The following ATP6V0A4 variants were observed in gnomAD, a reference collection of about 807,000 sequenced individuals.
The protein encoded by ATP6V0A4 is ATPase H+ transporting V0 subunit a4, also known as V-type proton ATPase 116 kDa subunit a 4.
In ATP6V0A4, 86 loss-of-function variants were observed where a neutral mutation model predicts 107.3. The observed-to-expected ratio is 0.80, with a 90% confidence interval of 0.67 to 0.96. The LOEUF (loss-of-function observed/expected upper bound fraction) is 0.96, where lower values mean the gene tolerates loss of function less well. Ranked by LOEUF, ATP6V0A4 falls within the 40% of genes least tolerant of loss-of-function variation. ATP6V0A4 has a pLI of 0.00. For synonymous variants in ATP6V0A4, 353 were observed against 381.4 expected, an observed-to-expected ratio of 0.93 and a Z score of 0.87; for missense variants, 908 against 1,045.6, an observed-to-expected ratio of 0.87 and a Z score of 1.81.
intron 17 of ATP6V0A4, among the ~76,000 whole-genome samples, chr7:138,732,187 A>G (rs1484176880): frequency 2.6e-5 from 4 of 152,178 alleles, no homozygotes; most frequent in Non-Finnish European, 4.4e-5. Context: ...TAATTTAGCT[A>G]GAGTTCACTC....
At chr7:138,741,774 G>C (rs1365983854) in intron 14 of ATP6V0A4, among the ~76,000 whole-genome samples, 1 of 152,192 alleles carries the variant, frequency 6.6e-6, no homozygotes, top group Non-Finnish European at 1.5e-5. Context: ...GTGACTACAG[G>C]AATGTTTTCA....
At chr7:138,710,534 T>C (rs917310540) in intron 20 of ATP6V0A4, among the ~76,000 whole-genome samples, 3 of 152,214 alleles carry the variant, frequency 2.0e-5, no homozygotes, top group African/African-American at 7.2e-5. Context: ...GTGTTTGCTT[T>C]ACAAAAATCC....
intron 20 of ATP6V0A4, among the ~76,000 whole-genome samples, chr7:138,711,929 T>G (rs1432773061): frequency 2.6e-5 from 4 of 152,170 alleles, no homozygotes; most frequent in Non-Finnish European, 4.4e-5. Context: ...GTCACCCACT[T>G]TGTTCCTTTT....
chr7:138,793,250 G>C (rs372322556), intron 1 of ATP6V0A4, among the ~76,000 whole-genome samples: 7 of 152,116 alleles, frequency 4.6e-5, no homozygotes, highest in Non-Finnish European at 1.0e-4. Flanking sequence ...AGCCGAGATC[G>C]TGCCACTGCA....
At chr7:138,719,005 T>A (rs1584894988) in intron 19 of ATP6V0A4, among the ~76,000 whole-genome samples, 1 of 151,748 alleles carries the variant, frequency 6.6e-6, no homozygotes, top group Admixed American at 6.6e-5. Context: ...AGCAACAAAG[T>A]GAGACCCCAT....
intron 13 of ATP6V0A4, among the ~76,000 whole-genome samples, chr7:138,746,200 T>A (rs886409199): frequency 6.6e-6 from 1 of 150,938 alleles, no homozygotes; most frequent in African/African-American, 2.4e-5. Flanking sequence ...TGGCCTCCCA[T>A]GGCTGCTATA....
chr7:138,775,026 A>G (rs1158105526), intron 2 of ATP6V0A4, among the ~76,000 whole-genome samples: 2 of 152,160 alleles, frequency 1.3e-5, no homozygotes, highest in Non-Finnish European at 2.9e-5. Context: ...GCGGGGCTGC[A>G]ACAGCCACCT....
chr7:138,737,178 C>T (rs1805380557), intron 15 of ATP6V0A4, among the ~76,000 whole-genome samples: 1 of 144,526 alleles, frequency 6.9e-6, no homozygotes, highest in East Asian at 2.2e-4. Context: ...TTGTGTCCCA[C>T]CCAAATTTCA....
intron 2 of ATP6V0A4, among the ~76,000 whole-genome samples, chr7:138,778,518 G>T (rs1381659647): frequency 6.6e-6 from 1 of 151,976 alleles, no homozygotes; most frequent in Non-Finnish European, 1.5e-5. Context: ...TCAGATAAGG[G>T]ACAGATAATC....
In ATP6V0A4 at chr7:138,792,770, T is replaced by TTTG. The variant is rs1563025268; in HGVS notation, c.-121+5263_-121+5264insCAA. ...TGCATCACCAAACTCAGGTTTGTTT[T>TTTG]TTTTTTTGTTGTTTTGTTTTTTTTT... On this transcript the variant is annotated intron_variant, in intron 1 of 21. Coordinates refer to ENST00000310018, the MANE Select transcript of ATP6V0A4 (RefSeq NM_020632.3). 6.8e-4 allele frequency among the ~76,000 whole-genome samples: 55 copies of TTTG among 80,676 alleles called. 1 individual carries two copies. Among genetic ancestry groups the TTTG allele is most frequent in the African/African-American group, 1.9e-3 (38 of 19,732 alleles). 52.9% of individuals were successfully genotyped at this position (80,676 alleles called of 152,430 possible).
Position 138,767,490 on chromosome 7 carries a change from TCCAGC to T in ATP6V0A4, c.291+1285_291+1289del, listed in dbSNP as rs561163974. 3.5e-3 allele frequency among the ~76,000 whole-genome samples: 526 copies of T among 152,276 alleles called. 3 individuals are homozygous for T. Among genetic ancestry groups the T allele is most frequent in the Non-Finnish European group, 3.0e-3 (204 of 68,014 alleles). ...GTGAGCCGAGATCACACCACTGCAC[TCCAGC>T]CTGGGCAACAGAGCAAGACTCCATC... is the stretch of plus-strand genomic sequence containing the variant. On this transcript the variant is annotated intron_variant, in intron 5 of 21. Coordinates refer to ENST00000310018, the MANE Select transcript of ATP6V0A4 (RefSeq NM_020632.3).
chr7:138,793,274 G>A (rs1171531538), intron 1 of ATP6V0A4, among the ~76,000 whole-genome samples: 6 of 152,256 alleles, frequency 3.9e-5, no homozygotes, highest in South Asian at 2.1e-4. Context: ...CAGCCTGGGC[G>A]ACAGAGAGAG....
intron 8 of ATP6V0A4, among the ~76,000 whole-genome samples, chr7:138,757,356 A>C (rs1298326682): frequency 6.6e-6 from 1 of 152,112 alleles, no homozygotes; most frequent in South Asian, 2.1e-4. Flanking sequence ...TCTCTACAAA[A>C]AATACAAGAA....
chr7:138,734,778 A>G (rs1238992752), intron 15 of ATP6V0A4, among the ~76,000 whole-genome samples: 1 of 9,346 alleles, frequency 1.1e-4, no homozygotes, highest in Non-Finnish European at 2.4e-4. Context: ...ACTCTGTCTC[A>G]AAAAAAAAAA....
intron 13 of ATP6V0A4, 30 bp from the exon 14 acceptor site, chr7:138,745,310 G>T (rs754798522): frequency 1.2e-6 from 2 of 1,613,436 alleles, no homozygotes; most frequent in Admixed American, 1.7e-5. Context: ...GAGGATGATT[G>T]TCAGTGGGCT....
intron 1 of ATP6V0A4, among the ~76,000 whole-genome samples, chr7:138,794,404 T>C (rs1808560924): frequency 6.6e-6 from 1 of 152,186 alleles, no homozygotes; most frequent in Non-Finnish European, 1.5e-5. Flanking sequence ...ACATGAAATA[T>C]TCTTCCCTGG....
intron 19 of ATP6V0A4, among the ~76,000 whole-genome samples, chr7:138,716,586 GA>G (rs1313218835): frequency 6.1e-5 from 9 of 148,324 alleles, no homozygotes; most frequent in Non-Finnish European, 1.2e-4. Context: ...GGGGGGGGGG[GA>G]GGGTCTTGCT....
intron 10 of ATP6V0A4, among the ~76,000 whole-genome samples, chr7:138,753,423 T>C (rs1344242599): frequency 6.6e-6 from 1 of 152,228 alleles, no homozygotes; most frequent in African/African-American, 2.4e-5. Context: ...ACCTCTGGCC[T>C]CCAGAACCAT....
chr7:138,755,997 AATGAG>A (rs1337837783), intron 9 of ATP6V0A4: 7 of 784,926 alleles, frequency 8.9e-6, no homozygotes, highest in Non-Finnish European at 1.4e-5. Flanking sequence ...CTGTTATATG[AATGAG>A]CTTCATTCAA....
Sources: allele counts gnomAD v4.1 joint callset (sites outside exome capture counted in the v4.1 genomes callset), GRCh38; gene constraint gnomAD v4.1.1; transcripts MANE v1.5; gene names NCBI Gene and HGNC (gene_info 2026-07-23, HGNC 2026-07-21).